Variants in SEC31A observed in about 807,000 individuals in gnomAD.
The protein encoded by SEC31A is protein transport protein Sec31A.
A neutral mutation model predicts 151.0 loss-of-function variants in SEC31A; 70 were observed. The ratio of observed to expected loss-of-function variants is 0.46; its 90% CI spans 0.38 to 0.57. The LOEUF is 0.57. Among genes scored for constraint, SEC31A ranks in the 20% least tolerant of loss-of-function variants. The pLI is 0.00. For synonymous variants in SEC31A, 475 were observed against 505.9 expected (o/e 0.94, Z 0.82); for missense variants, 1,330 against 1,471.2 (o/e 0.90, Z 1.57).
At chr4:82,883,154 G>A (rs896907335) in intron 1 of SEC31A, among the ~76,000 whole-genome samples, 5 of 151,966 alleles carry the variant, frequency 3.3e-5, no homozygotes, top group Admixed American at 2.0e-4. Flanking sequence ...AAATTACAAC[G>A]GTATAGTATT....
Position 82,874,648 on chromosome 4 carries a change from T to C in SEC31A, c.602A>G (p.Asn201Ser), listed in dbSNP as rs781661148. Residue 201 changes from asparagine (N) to serine (S), a missense_variant, in exon 6 of 27, where the codon AAT becomes AGT. Asn to Ser is a conservative substitution (Grantham distance 46, BLOSUM62 1). Transcript: ENST00000395310. ...GRATVWDLRK[N>S]EPIIKVSDHS... ...GTCACTGACTTTGATGATTGGCTCA[T>C]TTTTTCTAAGATCCCATACAGTGGC... 4.3e-6 allele frequency: 7 copies of C among 1,611,512 alleles called. No individual in the cohort carries two copies. The South Asian group carries it at 6.6e-5, about 15-fold the overall frequency.
intron 8 of SEC31A, 56 bp from the exon 9 acceptor site, chr4:82,867,372 A>T (rs1314183402): frequency 6.9e-7 from 1 of 1,439,182 alleles, no homozygotes; most frequent in African/African-American, 1.4e-5. Flanking sequence ...CCACTTTGTA[A>T]CCAAAACACC....
rs1250997420 is a variant in SEC31A at position 82,844,325 on chromosome 4, A to T, written c.2626+61T>A. 5 of 1,553,730 alleles carry T rather than the reference A, an allele frequency of 3.2e-6. No individual in the cohort carries two copies. The East Asian group carries it at 9.1e-5, about 28-fold the overall frequency. ...GACAATGACTTTGGGGCTTCAAAGT[A>T]AAGTTACTAAATTAGATCATAAATA... On this transcript the variant is annotated intron_variant, in intron 21 of 26. Transcript: ENST00000395310.
intron 14 of SEC31A, among the ~76,000 whole-genome samples, chr4:82,859,598 T>C (rs977715622): frequency 6.6e-6 from 1 of 152,156 alleles, no homozygotes; most frequent in African/African-American, 2.4e-5. Flanking sequence ...CACTGCACCA[T>C]CTGCAAATAC....
intron 3 of SEC31A, among the ~76,000 whole-genome samples, chr4:82,899,386 T>C (rs963638105): frequency 6.6e-6 from 1 of 152,212 alleles, no homozygotes; most frequent in South Asian, 2.1e-4. Context: ...TACAAAAATA[T>C]AAGGCAACTA....
At position 82,845,456 on chromosome 4, in the gene SEC31A, C is replaced by T. The variant is rs145574339; in HGVS notation, c.2503-947G>A. Among the ~76,000 whole-genome samples, 459 of 143,408 alleles carry T rather than the reference C, an allele frequency of 3.2e-3. 2 individuals carry two copies. The highest frequency in any genetic ancestry group is 0.011 in the African/African-American group (432 of 39,222). 94.1% of individuals were successfully genotyped at this position (143,408 alleles called of 152,430 possible). A position where few individuals can be genotyped will look rare whatever the true frequency, so the allele number is the denominator to read the frequency against. ...AACTGCTTTCAAGGTAGCTGGAATT[C>T]CCAAAAAAACAAAACAAAACAACAA... On this transcript the variant is annotated intron_variant, in intron 20 of 26. Coordinates refer to ENST00000395310, the MANE Select transcript of SEC31A (RefSeq NM_001077207.4).
At chr4:82,884,909 A>T (rs928474011) in intron 1 of SEC31A, among the ~76,000 whole-genome samples, 3 of 152,198 alleles carry the variant, frequency 2.0e-5, no homozygotes, top group African/African-American at 7.2e-5. Context: ...CAGTGAATTA[A>T]GTCTCTTACT....
Position 82,848,882 on chromosome 4 carries a change from C to G in SEC31A, c.2424G>C (p.Gln808His). 6.2e-7 allele frequency: 1 copy of G among 1,614,144 alleles called. No individual in the cohort carries two copies. Among genetic ancestry groups the G allele is most frequent in the Non-Finnish European group, 8.5e-7 (1 of 1,180,006 alleles). Reference sequence around the variant, plus strand: ...CTGGTCCAGGCCTGCCCTTGGGGAGCTGCTGTTTCTCGTACGGAATTTTAG... The same window carrying G: ...CTGGTCCAGGCCTGCCCTTGGGGAGGTGCTGTTTCTCGTACGGAATTTTAG... ...ESPKIPYEKQQLPKGRPGPVA... is the reference protein window; with the variant it reads ...ESPKIPYEKQHLPKGRPGPVA... Residue 808 changes from glutamine (Q) to histidine (H), a missense_variant, in exon 20 of 27, where the codon CAG becomes CAC. By Grantham distance (24) the Gln-to-His change is conservative (BLOSUM62 0). Coordinates refer to ENST00000395310, the MANE Select transcript of SEC31A (RefSeq NM_001077207.4).
At chr4:82,890,516 G>C in intron 1 of SEC31A, among the ~76,000 whole-genome samples, 1 of 152,164 alleles carries the variant, frequency 6.6e-6, no homozygotes, top group East Asian at 1.9e-4. Flanking sequence ...CAACAGCCCC[G>C]TAATTTAACA....
intron 8 of SEC31A, 120 bp downstream of exon 8, chr4:82,870,205 A>G (rs556472582): frequency 2.9e-6 from 2 of 680,092 alleles, no homozygotes; most frequent in South Asian, 2.4e-5. Context: ...CACTGCACAC[A>G]CACGTCCACA....
intron 26 of SEC31A, among the ~76,000 whole-genome samples, chr4:82,820,225 TC>T (rs1578088552): frequency 1.4e-5 from 2 of 145,852 alleles, no homozygotes; most frequent in East Asian, 4.3e-4. Flanking sequence ...CGCATCAGCC[TC>T]CTCAGTAGCT....
At chr4:82,870,809 A>G (rs1170905117) in intron 7 of SEC31A, among the ~76,000 whole-genome samples, 2 of 152,248 alleles carry the variant, frequency 1.3e-5, no homozygotes, top group Non-Finnish European at 2.9e-5. Flanking sequence ...TTACAAATAC[A>G]TGGATGTTCA....
intron 1 of SEC31A, among the ~76,000 whole-genome samples, chr4:82,888,443 G>A (rs555797849): frequency 1.0e-5 from 1 of 96,522 alleles, no homozygotes; most frequent in Non-Finnish European, 2.0e-5. Flanking sequence ...TGTAATCCCA[G>A]CACTTTGGAA....
rs1329091254 is a variant in SEC31A at position 82,889,568 on chromosome 4, G to GA, written c.-5+1519dup. ...TCTCAAAAAAAAAAAAAAAGTAAAAGAAAAAAAAAGAAAATCCTACATGTG... is the reference window on the plus strand; with the variant it reads ...TCTCAAAAAAAAAAAAAAAGTAAAAGAAAAAAAAAAGAAAATCCTACATGTG... On this transcript the variant is annotated intron_variant, in intron 1 of 26. Transcript: ENST00000395310. 8.8e-3 allele frequency among the ~76,000 whole-genome samples: 1,242 copies of GA among 141,038 alleles called. 10 individuals carry two copies. The highest frequency in any genetic ancestry group is 0.042 in the South Asian group (186 of 4,422). The allele number at this position is 141,038 out of a possible 152,430, so 92.5% of individuals were successfully genotyped here. A position where few individuals can be genotyped will look rare whatever the true frequency, so the allele number is the denominator to read the frequency against.
At chr4:82,863,021 T>C (rs895310797) in intron 12 of SEC31A, among the ~76,000 whole-genome samples, 1 of 152,236 alleles carries the variant, frequency 6.6e-6, no homozygotes, top group African/African-American at 2.4e-5. Context: ...GTGCACAGTA[T>C]ACCTCTACCA....
chr4:82,861,931 T>TTTTTTG (rs1734241702), intron 13 of SEC31A: 1 of 319,200 alleles, frequency 3.1e-6, no homozygotes, highest in Non-Finnish European at 5.6e-6. Context: ...TTTTTTTTTT[T>TTTTTTG]GAGACCGAGT....
intron 14 of SEC31A, among the ~76,000 whole-genome samples, chr4:82,861,168 G>A (rs1203768056): frequency 3.3e-5 from 5 of 151,790 alleles, no homozygotes; most frequent in Non-Finnish European, 7.4e-5. Context: ...TATCAACTAA[G>A]GACACATTTA....
intron 22 of SEC31A, among the ~76,000 whole-genome samples, chr4:82,837,930 T>C (rs1404816040): frequency 6.6e-6 from 1 of 152,226 alleles, no homozygotes; most frequent in Non-Finnish European, 1.5e-5. Context: ...TAGAGAATTG[T>C]GGCTAGAACA....
rs1240088805 is a variant in SEC31A, at chr4:82,827,651, AAAAGACAC to A, written c.3028-27_3028-20del. ...CAGGCATCTGTTAAAAGATGGAAAT[AAAAGACAC>A]CAGGAGTAAGAATAAAAACGATAGC... On this transcript the variant is annotated intron_variant, in intron 23 of 26. Transcript: ENST00000395310. 3 of 1,609,400 alleles carry A rather than the reference AAAAGACAC, an allele frequency of 1.9e-6. No individual in the cohort carries two copies. The East Asian group carries it at 6.7e-5, about 36-fold the overall frequency.
Sources: gnomAD v4.1 joint callset for allele counts (sites outside exome capture counted in the v4.1 genomes callset) on GRCh38, gnomAD v4.1.1 for gene constraint, MANE v1.5 for transcripts, NCBI Gene and HGNC (gene_info 2026-07-23, HGNC 2026-07-21) for gene names.